GPC6: variants seen among roughly 807,000 people sequenced by gnomAD.
The protein encoded by GPC6 is glypican-6.
GPC6 carries 14 observed loss-of-function variants against 55.2 expected under a neutral mutation model. That is an observed-to-expected ratio of 0.25 (90% CI 0.17 to 0.40). The LOEUF (loss-of-function observed/expected upper bound fraction) is 0.40, where lower values mean the gene tolerates loss of function less well. GPC6 is among the 10% of genes least tolerant of loss of function. GPC6 has a pLI of 1.00. For missense variants in GPC6, 641 were observed against 708.5 expected, an observed-to-expected ratio of 0.90 and a Z score of 1.08; for synonymous variants, 278 against 259.6, an observed-to-expected ratio of 1.07 and a Z score of -0.68.
At chr13:94,352,257 C>T (rs1355568104) in intron 6 of GPC6, among the ~76,000 whole-genome samples, 1 of 152,050 alleles carries the variant, frequency 6.6e-6, no homozygotes, top group Non-Finnish European at 1.5e-5. Flanking sequence ...GAGAGTGGGA[C>T]TGGGCTCTCT....
In GPC6 at chr13:93,932,423, G is replaced by A. The variant is rs181677867; in HGVS notation, c.712-95306G>A. Among the ~76,000 whole-genome samples the A allele has an allele frequency of 3.2e-3, 486 of 151,922 alleles. 1 individual carries two copies. Among genetic ancestry groups the A allele is most frequent in the Non-Finnish European group, 5.1e-3 (348 of 67,968 alleles). ...TGGAAATCACCAGAATCCTCTCCTC[G>A]GGTGTCACTAACAATTGAAATTAAA... On this transcript the variant is annotated intron_variant, in intron 3 of 8. Coordinates refer to ENST00000377047, the MANE Select transcript of GPC6 (RefSeq NM_005708.5).
At chr13:93,360,105 A>G (rs1880992513) in intron 1 of GPC6, among the ~76,000 whole-genome samples, 1 of 152,192 alleles carries the variant, frequency 6.6e-6, no homozygotes, top group Admixed American at 6.5e-5. Flanking sequence ...AAAGAACATC[A>G]TTCCACAAGT....
At chr13:93,908,677 G>A (rs1199106434) in intron 3 of GPC6, among the ~76,000 whole-genome samples, 7 of 152,126 alleles carry the variant, frequency 4.6e-5, no homozygotes, top group African/African-American at 1.7e-4. Context: ...TTTCCTGTAT[G>A]GCTCCAGAGA....
intron 1 of GPC6, among the ~76,000 whole-genome samples, chr13:93,461,462 A>G (rs1219810330): frequency 6.6e-6 from 1 of 152,180 alleles, no homozygotes; most frequent in Non-Finnish European, 1.5e-5. Context: ...TAATTTAGTT[A>G]AATAACTTTA....
At chr13:94,059,309 A>G (rs1314619467) in intron 4 of GPC6, among the ~76,000 whole-genome samples, 1 of 151,616 alleles carries the variant, frequency 6.6e-6, no homozygotes, top group Non-Finnish European at 1.5e-5. Context: ...AAGCTTGTGC[A>G]TCTCTTGAAG....
At chr13:94,270,854 A>G (rs1891971773) in intron 4 of GPC6, among the ~76,000 whole-genome samples, 1 of 152,098 alleles carries the variant, frequency 6.6e-6, no homozygotes, top group South Asian at 2.1e-4. Context: ...AGTGGCAGAA[A>G]GAGAAAGTAT....
At chr13:93,262,856 A>G (rs1240072846) in intron 1 of GPC6, among the ~76,000 whole-genome samples, 1 of 152,148 alleles carries the variant, frequency 6.6e-6, no homozygotes, top group Admixed American at 6.6e-5. Context: ...CCATTGCAAG[A>G]AGGAGTTCAG....
intron 4 of GPC6, among the ~76,000 whole-genome samples, chr13:94,239,048 C>T (rs775033544): frequency 6.6e-6 from 1 of 152,096 alleles, no homozygotes; most frequent in Admixed American, 6.6e-5. Flanking sequence ...AAGTTAATAA[C>T]GTGAATACAA....
At chr13:93,436,555 G>T (rs185678932) in intron 1 of GPC6, among the ~76,000 whole-genome samples, 37 of 152,104 alleles carry the variant, frequency 2.4e-4, no homozygotes, top group African/African-American at 7.7e-4. Flanking sequence ...CATAAACAGA[G>T]GTTCAGAAAA....
chr13:94,127,616 C>T (rs1227890721), intron 4 of GPC6, among the ~76,000 whole-genome samples: 1 of 152,064 alleles, frequency 6.6e-6, no homozygotes, highest in African/African-American at 2.4e-5. Flanking sequence ...GGTAAAAATC[C>T]CAAAGCCAAG....
At chr13:94,089,457 CA>C (rs1270166428) in intron 4 of GPC6, among the ~76,000 whole-genome samples, 3 of 152,156 alleles carry the variant, frequency 2.0e-5, no homozygotes, top group Admixed American at 6.6e-5. Flanking sequence ...AGGAGGCTGG[CA>C]GCCTTGGTAT....
At chr13:94,217,624 A>G (rs78208652) in intron 4 of GPC6, among the ~76,000 whole-genome samples, 1,859 of 152,236 alleles carry the variant, frequency 0.012, 41 homozygotes, top group African/African-American at 0.042. Context: ...ACTGCCTTCA[A>G]TGGAAAAATT....
intron 4 of GPC6, among the ~76,000 whole-genome samples, chr13:94,052,161 T>C (rs1051872154): frequency 1.3e-5 from 2 of 152,118 alleles, no homozygotes; most frequent in Admixed American, 6.5e-5. Context: ...GCAAAACAGA[T>C]GAGTGTGATT....
At chr13:94,387,599 G>A (rs1251217551) in intron 7 of GPC6, among the ~76,000 whole-genome samples, 1 of 152,114 alleles carries the variant, frequency 6.6e-6, no homozygotes, top group East Asian at 1.9e-4. Flanking sequence ...TGTGTCCCCC[G>A]AAAATTCATA....
rs184843994 is a variant in GPC6 at position 93,892,258 on chromosome 13, G to A, written c.711+61713G>A. Among the ~76,000 whole-genome samples the A allele has an allele frequency of 9.2e-5, 14 of 152,038 alleles. 1 individual carries two copies. The highest frequency in any genetic ancestry group is 3.4e-4 in the African/African-American group (14 of 41,536). ...TTTGGTCTAGAGTGAACATGGATAT[G>A]GGAAGCCCCAACGAAAGCATTCCAA... On this transcript the variant is annotated intron_variant, in intron 3 of 8. Transcript: ENST00000377047.
At chr13:93,597,312 C>A (rs868856509) in intron 2 of GPC6, among the ~76,000 whole-genome samples, 10 of 152,248 alleles carry the variant, frequency 6.6e-5, no homozygotes, top group Middle Eastern at 3.4e-3. Flanking sequence ...TCAGAGCAGA[C>A]CCTAGTGAAT....
chr13:93,897,716 C>G (rs1876096034), intron 3 of GPC6, among the ~76,000 whole-genome samples: 1 of 152,058 alleles, frequency 6.6e-6, no homozygotes, highest in South Asian at 2.1e-4. Flanking sequence ...CTATGAGACA[C>G]TAGTCTTCTG....
chr13:93,486,656 G>A (rs1879721212), intron 1 of GPC6, among the ~76,000 whole-genome samples: 1 of 152,104 alleles, frequency 6.6e-6, no homozygotes, highest in South Asian at 2.1e-4. Context: ...TAGTGTAAGA[G>A]ACCATCTTGG....
At chr13:93,377,990 G>C (rs1406761531) in intron 1 of GPC6, among the ~76,000 whole-genome samples, 2 of 152,158 alleles carry the variant, frequency 1.3e-5, no homozygotes, top group Non-Finnish European at 2.9e-5. Flanking sequence ...TTGTGAAATA[G>C]CACTGTAGAT....
Sources: gnomAD v4.1 joint callset for allele counts (sites outside exome capture counted in the v4.1 genomes callset) on GRCh38, gnomAD v4.1.1 for gene constraint, MANE v1.5 for transcripts, NCBI Gene and HGNC (gene_info 2026-07-23, HGNC 2026-07-21) for gene names.